Variants in ENAH observed in about 807,000 individuals in gnomAD.
ENAH encodes ENAH actin regulator.
A neutral mutation model predicts 78.7 loss-of-function variants in ENAH; 23 were observed. The observed-to-expected ratio is 0.29, with a 90% CI of 0.21 to 0.41. The LOEUF is 0.41. Ranked by LOEUF, ENAH falls within the 10% of genes least tolerant of loss-of-function variation. The probability of loss-of-function intolerance (pLI) is 1.00; values close to 1 mark genes in which losing one functional copy is unlikely to be tolerated. For synonymous variants in ENAH, 226 were observed against 241.0 expected, an observed-to-expected ratio of 0.94 and a Z score of 0.58; for missense variants, 544 against 691.0, an observed-to-expected ratio of 0.79 and a Z score of 2.39.
chr1:225,509,482 G>A (rs148880297), intron 10 of ENAH, among the ~76,000 whole-genome samples: 5 of 152,196 alleles, frequency 3.3e-5, no homozygotes, highest in Admixed American at 6.5e-5. Flanking sequence ...AGAAGCAAGG[G>A]CCTCTTCTCT....
chr1:225,516,901 A>T (rs1216902206), intron 6 of ENAH, among the ~76,000 whole-genome samples: 2 of 152,098 alleles, frequency 1.3e-5, no homozygotes, highest in African/African-American at 4.8e-5. Context: ...AAAGAAAAAA[A>T]TAAAGAAATG....
intron 1 of ENAH, among the ~76,000 whole-genome samples, chr1:225,600,883 A>T (rs867034213): frequency 2.0e-5 from 3 of 152,100 alleles, no homozygotes; most frequent in Middle Eastern, 6.8e-3. Flanking sequence ...AAAAAAGACT[A>T]AAAAAAAGAA....
At chr1:225,580,912 C>G (rs79126990) in intron 1 of ENAH, among the ~76,000 whole-genome samples, 1 of 63,914 alleles carries the variant, frequency 1.6e-5, no homozygotes, top group African/African-American at 5.5e-5. Context: ...AGAAAAAAAC[C>G]AAAAAAAAAA....
At chr1:225,616,825 C>T (rs975536456) in intron 1 of ENAH, among the ~76,000 whole-genome samples, 1 of 152,148 alleles carries the variant, frequency 6.6e-6, no homozygotes, top group Non-Finnish European at 1.5e-5. Context: ...TGAAACCAGG[C>T]ATGGTGGCTC....
At chr1:225,616,619 T>C (rs898449080) in intron 1 of ENAH, among the ~76,000 whole-genome samples, 14 of 152,076 alleles carry the variant, frequency 9.2e-5, no homozygotes, top group Non-Finnish European at 2.9e-5. Flanking sequence ...AGATAAAATA[T>C]TCTTCTAGGA....
intron 1 of ENAH, among the ~76,000 whole-genome samples, chr1:225,624,727 T>C (rs1435768804): frequency 6.6e-6 from 1 of 152,124 alleles, no homozygotes; most frequent in Non-Finnish European, 1.5e-5. Flanking sequence ...CTACAACCTG[T>C]CCTAGACAAT....
intron 3 of ENAH, among the ~76,000 whole-genome samples, chr1:225,543,156 T>C (rs1422419584): frequency 6.6e-6 from 1 of 152,206 alleles, no homozygotes; most frequent in Non-Finnish European, 1.5e-5. Context: ...TTCCATTAGT[T>C]ATCTGCAGAA....
intron 2 of ENAH, among the ~76,000 whole-genome samples, chr1:225,563,316 T>A (rs528404343): frequency 9.8e-5 from 15 of 152,322 alleles, no homozygotes; most frequent in Admixed American, 9.2e-4. Context: ...TAGTACCTCC[T>A]CTGTATCACT....
chr1:225,547,245 T>C (rs1309591957), intron 3 of ENAH, among the ~76,000 whole-genome samples: 1 of 152,046 alleles, frequency 6.6e-6, no homozygotes, highest in African/African-American at 2.4e-5. Flanking sequence ...CTTATTTTCG[T>C]ATTTTTAGTA....
At chr1:225,600,756 A>C (rs1252427912) in intron 1 of ENAH, among the ~76,000 whole-genome samples, 1 of 151,986 alleles carries the variant, frequency 6.6e-6, no homozygotes, top group Non-Finnish European at 1.5e-5. Flanking sequence ...TACTGGGGGA[A>C]ATGAGGTGGG....
In ENAH at chr1:225,501,043, G is replaced by C; in HGVS notation, c.1566C>G (p.Pro522=). 1 of 1,614,098 alleles carries C rather than the reference G, an allele frequency of 6.2e-7. No homozygotes were observed. The highest frequency in any genetic ancestry group is 1.1e-5 in the South Asian group (1 of 91,072). ...CTTCCGTCTGGACTCCATTGGCACTGGGCTGTGATAAGGGTGTGGATTTTG... is the reference window on the plus strand; with the variant it reads ...CTTCCGTCTGGACTCCATTGGCACTCGGCTGTGATAAGGGTGTGGATTTTG... ...SRPKSTPLSQ[P]SANGVQTEGL... is the part of the protein sequence containing the mutation. The change falls in exon 12 of 14, where the codon CCC becomes CCG. Residue 522 remains proline (P), a synonymous_variant. Coordinates refer to ENST00000366843, the MANE Select transcript of ENAH (RefSeq NM_018212.6).
chr1:225,544,154 CTTGTT>C (rs1179765295), intron 3 of ENAH, among the ~76,000 whole-genome samples: 1 of 152,260 alleles, frequency 6.6e-6, no homozygotes, highest in East Asian at 1.9e-4. Context: ...TCTCTTTATT[CTTGTT>C]TTAAGAGGAA....
intron 3 of ENAH, among the ~76,000 whole-genome samples, chr1:225,544,132 A>G (rs1384136550): frequency 6.6e-6 from 1 of 152,224 alleles, no homozygotes; most frequent in African/African-American, 2.4e-5. Flanking sequence ...AACAAGACAG[A>G]CTATTAAAGC....
chr1:225,600,420 G>C (rs1048996547), intron 1 of ENAH, among the ~76,000 whole-genome samples: 10 of 152,012 alleles, frequency 6.6e-5, no homozygotes, highest in Non-Finnish European at 1.2e-4. Flanking sequence ...ATGTTTAATG[G>C]GAAATTTATA....
chr1:225,515,199 C>A, intron 6 of ENAH: 1 of 329,594 alleles, frequency 3.0e-6, no homozygotes, highest in Non-Finnish European at 5.4e-6. Context: ...AAAATAAATA[C>A]TTATAAAATT....
At chr1:225,589,288 C>CTA (rs1372361816) in intron 1 of ENAH, among the ~76,000 whole-genome samples, 9 of 151,908 alleles carry the variant, frequency 5.9e-5, no homozygotes, top group Non-Finnish European at 1.3e-4. Context: ...GTGCATTCCG[C>CTA]TATATATATA....
intron 4 of ENAH, among the ~76,000 whole-genome samples, chr1:225,526,444 T>C (rs1239590243): frequency 6.6e-6 from 1 of 152,050 alleles, no homozygotes; most frequent in African/African-American, 2.4e-5. Context: ...GTTCAAGCGA[T>C]TCTTCTGCCT....
intron 1 of ENAH, among the ~76,000 whole-genome samples, chr1:225,581,855 AT>A (rs35457889): frequency 0.67 from 95,687 of 143,332 alleles, 31,791 homozygotes; most frequent in Middle Eastern, 0.73. Context: ...CACCCAGCTA[AT>A]TTTTTTTTTT....
At chr1:225,579,049 C>T (rs2096801668) in intron 1 of ENAH, among the ~76,000 whole-genome samples, 1 of 152,092 alleles carries the variant, frequency 6.6e-6, no homozygotes, top group Admixed American at 6.5e-5. Context: ...TCTTCAACAA[C>T]CTTATGTGGT....
Sources: allele counts gnomAD v4.1 joint callset (sites outside exome capture counted in the v4.1 genomes callset), GRCh38; gene constraint gnomAD v4.1.1; transcripts MANE v1.5; gene names NCBI Gene and HGNC (gene_info 2026-07-23, HGNC 2026-07-21).